The following GOLM2 variants were observed in gnomAD, a reference collection of about 807,000 sequenced individuals.
GOLM2 encodes protein GOLM2.
Under a neutral mutation model 55.9 loss-of-function variants are expected in GOLM2, and 26 were observed. That is an observed-to-expected ratio of 0.47 (90% CI 0.34 to 0.65). GOLM2 has a LOEUF of 0.65. Among genes scored for constraint, GOLM2 ranks in the 30% least tolerant of loss-of-function variants. GOLM2 has a pLI of 0.01. For missense variants in GOLM2, 486 were observed against 531.8 expected, an observed-to-expected ratio of 0.91 and a Z score of 0.85; for synonymous variants, 165 against 194.6, an observed-to-expected ratio of 0.85 and a Z score of 1.27.
chr15:44,382,934 A>AG (rs1215589465), intron 8 of GOLM2, among the ~76,000 whole-genome samples: 1 of 150,938 alleles, frequency 6.6e-6, no homozygotes, highest in Non-Finnish European at 1.5e-5. Flanking sequence ...AAAAAAAAAA[A>AG]AAAAGAAAAG....
At chr15:44,317,355 C>A (rs2078917678) in intron 1 of GOLM2, among the ~76,000 whole-genome samples, 1 of 151,946 alleles carries the variant, frequency 6.6e-6, no homozygotes, top group Non-Finnish European at 1.5e-5. Flanking sequence ...CTAGCCTGGG[C>A]AGTAGGGCAA....
chr15:44,395,501 G>GT (rs986567667), intron 8 of GOLM2, among the ~76,000 whole-genome samples: 299 of 144,508 alleles, frequency 2.1e-3, no homozygotes, highest in African/African-American at 5.7e-3. Context: ...TTTTCTACTG[G>GT]TTTTTTTTTT....
chr15:44,384,485 G>A (rs1244405991), intron 8 of GOLM2, among the ~76,000 whole-genome samples: 1 of 152,044 alleles, frequency 6.6e-6, no homozygotes, highest in Admixed American at 6.6e-5. Context: ...GGTGACTCAA[G>A]CCTGTAATCC....
intron 6 of GOLM2, among the ~76,000 whole-genome samples, chr15:44,350,888 C>T (rs2079157189): frequency 6.6e-6 from 1 of 152,104 alleles, no homozygotes; most frequent in African/African-American, 2.4e-5. Flanking sequence ...ATGGTCATTT[C>T]AATTGATGCT....
At chr15:44,324,204 A>G (rs1256572957) in intron 2 of GOLM2, among the ~76,000 whole-genome samples, 2 of 152,232 alleles carry the variant, frequency 1.3e-5, no homozygotes, top group Admixed American at 6.5e-5. Flanking sequence ...AATGCTTATT[A>G]ACTGTTTATT....
chr15:44,348,874 T>G (rs2079142377), intron 6 of GOLM2: 7 of 151,510 alleles, frequency 4.6e-5, no homozygotes, highest in Admixed American at 4.0e-4. Context: ...GCACTCCAGC[T>G]TGGGCACCAG....
At chr15:44,356,179 A>G (rs2079197029) in intron 6 of GOLM2, among the ~76,000 whole-genome samples, 1 of 152,148 alleles carries the variant, frequency 6.6e-6, no homozygotes, top group African/African-American at 2.4e-5. Flanking sequence ...AAATTGAAAA[A>G]AAAAAGGCAA....
chr15:44,290,793 C>T (rs1015926037), intron 1 of GOLM2, among the ~76,000 whole-genome samples: 3 of 151,850 alleles, frequency 2.0e-5, no homozygotes, highest in South Asian at 2.1e-4. Flanking sequence ...TTGTTGTTGT[C>T]GTTGTTGTTG....
chr15:44,384,734 G>A (rs1319126795), intron 8 of GOLM2, among the ~76,000 whole-genome samples: 41 of 149,532 alleles, frequency 2.7e-4, no homozygotes, highest in African/African-American at 9.4e-4. Flanking sequence ...GCGACAGAGC[G>A]AGACTCCATC....
rs1303350784 is a variant in GOLM2 at position 44,380,909 on chromosome 15, A to G, written c.1005A>G (p.Arg335=). The G allele has an allele frequency of 6.2e-7, 1 of 1,603,412 alleles. No individual in the cohort carries two copies. ...GCTCAAACTTGGACAGTGAACCCAG[A>G]ATTCAAACAGATATACTAAAGCAGG... ...IPGSNLDSEP[R]IQTDILKQAT... is the part of the protein sequence containing the mutation. Residue 335 remains arginine (R), a synonymous_variant, in exon 8 of 10, where the codon AGA becomes AGG. Transcript: ENST00000299957.
chr15:44,301,703 G>A (rs1215159325), intron 1 of GOLM2, among the ~76,000 whole-genome samples: 1 of 152,096 alleles, frequency 6.6e-6, no homozygotes, highest in East Asian at 1.9e-4. Context: ...GATGAAAAGA[G>A]GGTTCCAGAT....
chr15:44,351,473 A>T (rs1464590018), intron 6 of GOLM2, among the ~76,000 whole-genome samples: 1 of 148,154 alleles, frequency 6.7e-6, no homozygotes, highest in East Asian at 2.1e-4. Flanking sequence ...GCTACTCAGG[A>T]GGATGAGGCA....
chr15:44,411,013 CTTTT>C (rs201998296), intron 9 of GOLM2, among the ~76,000 whole-genome samples: 5 of 81,330 alleles, frequency 6.1e-5, no homozygotes, highest in African/African-American at 8.8e-5. Flanking sequence ...GTTTGTTTGA[CTTTT>C]TTTTTTTTTT....
intron 1 of GOLM2, among the ~76,000 whole-genome samples, chr15:44,321,609 T>C (rs1209244518): frequency 6.6e-6 from 1 of 152,200 alleles, no homozygotes; most frequent in Non-Finnish European, 1.5e-5. Context: ...TACATTCATA[T>C]TGTACCAATG....
At chr15:44,295,493 C>T (rs934478889) in intron 1 of GOLM2, among the ~76,000 whole-genome samples, 2 of 152,184 alleles carry the variant, frequency 1.3e-5, no homozygotes, top group East Asian at 1.9e-4. Flanking sequence ...TTTTAAACTT[C>T]CCTCTAAAGG....
intron 2 of GOLM2, among the ~76,000 whole-genome samples, chr15:44,328,441 G>A (rs1183705119): frequency 1.3e-5 from 2 of 152,138 alleles, no homozygotes; most frequent in Non-Finnish European, 2.9e-5. Flanking sequence ...TTGCACCACT[G>A]CACTCTAACC....
At chr15:44,331,650 T>C (rs542004821) in intron 3 of GOLM2, among the ~76,000 whole-genome samples, 8 of 152,292 alleles carry the variant, frequency 5.3e-5, no homozygotes, top group African/African-American at 1.9e-4. Context: ...GGTCTCACAG[T>C]TTTCTCTTCT....
intron 6 of GOLM2, among the ~76,000 whole-genome samples, chr15:44,360,669 C>T (rs1233728926): frequency 6.6e-6 from 1 of 151,904 alleles, no homozygotes; most frequent in Non-Finnish European, 1.5e-5. Flanking sequence ...ACAAGGATAC[C>T]CAGGAATTGA....
intron 6 of GOLM2, among the ~76,000 whole-genome samples, chr15:44,361,988 C>T (rs1196340216): frequency 6.6e-6 from 1 of 152,172 alleles, no homozygotes; most frequent in African/African-American, 2.4e-5. Flanking sequence ...TGACAAAATT[C>T]AACAACCCTT....
Sources: gnomAD v4.1 joint callset for allele counts (sites outside exome capture counted in the v4.1 genomes callset) on GRCh38, gnomAD v4.1.1 for gene constraint, MANE v1.5 for transcripts, NCBI Gene and HGNC (gene_info 2026-07-23, HGNC 2026-07-21) for gene names.